MOCS1: variants seen among roughly 807,000 people sequenced by gnomAD.
MOCS1 encodes molybdenum cofactor biosynthesis protein 1.
A neutral mutation model predicts 57.6 loss-of-function variants in MOCS1; 39 were observed. The observed-to-expected ratio is 0.68, with a 90% CI of 0.52 to 0.88. The LOEUF (loss-of-function observed/expected upper bound fraction) is 0.88, where lower values mean the gene tolerates loss of function less well. Ranked by LOEUF, MOCS1 falls within the 40% of genes least tolerant of loss-of-function variation. MOCS1 has a pLI of 0.00. For missense variants in MOCS1, 795 were observed against 831.1 expected, an observed-to-expected ratio of 0.96 and a Z score of 0.53; for synonymous variants, 334 against 335.7, an observed-to-expected ratio of 1.00 and a Z score of 0.05.
intron 3 of MOCS1, among the ~76,000 whole-genome samples, chr6:39,922,196 A>G (rs1562097049): frequency 6.6e-6 from 1 of 152,180 alleles, no homozygotes; most frequent in Non-Finnish European, 1.5e-5. Flanking sequence ...TAAAATACAA[A>G]TTCAGTTTCT....
intron 2 of MOCS1, among the ~76,000 whole-genome samples, chr6:39,926,985 A>C (rs1768352554): frequency 6.6e-6 from 1 of 151,316 alleles, no homozygotes; most frequent in Admixed American, 6.6e-5. Context: ...AATGTCCACC[A>C]CCCCACCCCT....
At position 39,909,839 on chromosome 6, in the gene MOCS1, A is replaced by C. The variant is rs372068922; in HGVS notation, c.1098T>G (p.His366Gln). 1.3e-4 allele frequency: 210 copies of C among 1,613,100 alleles called. No homozygotes were observed. Among genetic ancestry groups the C allele is most frequent in the Non-Finnish European group, 1.6e-4 (194 of 1,180,000 alleles). Reference sequence around the variant, plus strand: ...CCCTCCCCACCCTGCACTTACCTGCATGCTGCCGCTTCTTCCTGCCCACAG... The same window carrying C: ...CCCTCCCCACCCTGCACTTACCTGCCTGCTGCCGCTTCTTCCTGCCCACAG... The part of the protein sequence containing the change: ...GAAVGRKKRQ[H>Q]AGMFSISQMK... The change falls in exon 9 of 11, where the codon CAT (histidine) becomes CAG (glutamine). Residue 366 changes from histidine (H) to glutamine (Q), a missense_variant. His to Gln is a conservative substitution (Grantham distance 24). Around this residue, in one of 3 missense-constraint regions of MOCS1, gnomAD observed 374 missense variants for 422.6 expected, o/e 0.89. Coordinates refer to ENST00000340692, the MANE Select transcript of MOCS1 (RefSeq NM_001358530.2).
chr6:39,912,809 G>A (rs568547835), intron 7 of MOCS1, 83 bp downstream of exon 7: 4 of 1,062,084 alleles, frequency 3.8e-6, no homozygotes, highest in South Asian at 3.7e-5. Flanking sequence ...CCCCACCACA[G>A]TGCAGCTCCC....
At chr6:39,924,897 G>C (rs1281408110) in intron 3 of MOCS1, among the ~76,000 whole-genome samples, 1 of 152,136 alleles carries the variant, frequency 6.6e-6, no homozygotes, top group African/African-American at 2.4e-5. Context: ...TAGCCAACAT[G>C]GTGAAACCCC....
rs1222891083 is a variant in MOCS1 at position 39,904,312 on chromosome 6, C to T, written c.*2045G>A. 2.2e-6 allele frequency: 1 copy of T among 456,746 alleles called. No individual in the cohort carries two copies. 28.3% of individuals were successfully genotyped at this position (456,746 alleles called of 1,614,324 possible). ...TATTTTCTACATCTGGCCAGTGGCT[C>T]TGGTGCTAGATGCCACTGTAGCCAG... On this transcript the variant is annotated 3_prime_UTR_variant, in exon 11 of 11. Coordinates refer to ENST00000340692, the MANE Select transcript of MOCS1 (RefSeq NM_001358530.2).
intron 1 of MOCS1, chr6:39,932,353 T>C (rs1293501062): frequency 6.6e-6 from 1 of 152,250 alleles, no homozygotes; most frequent in African/African-American, 2.4e-5. Flanking sequence ...CCCCATCTTA[T>C]GATGGGCTGG....
At chr6:39,916,427 T>C (rs1025704791) in intron 3 of MOCS1, among the ~76,000 whole-genome samples, 195 bp from the exon 4 acceptor site, 2 of 152,234 alleles carry the variant, frequency 1.3e-5, no homozygotes, top group Non-Finnish European at 2.9e-5. Flanking sequence ...AGATTAAGCA[T>C]TGAGTGCTCT....
chr6:39,913,766 G>A lies in MOCS1; in HGVS notation c.645+8C>T, dbSNP rs751210674. Reference sequence around the variant, plus strand: ...AGTCGGGAATCTACGGCAGGGGCACGGCCTCACCTTCACAGGGTTGTAGCC... The same window carrying A: ...AGTCGGGAATCTACGGCAGGGGCACAGCCTCACCTTCACAGGGTTGTAGCC... On this transcript the variant is annotated splice_region_variant and intron_variant, in intron 5 of 10. Transcript: ENST00000340692. 21 of 1,613,918 alleles carry A rather than the reference G, an allele frequency of 1.3e-5. No individual in the cohort carries two copies. In the South Asian group the frequency reaches 1.4e-4, roughly 11 times the overall value.
rs117340079 is a variant in MOCS1 at position 39,918,376 on chromosome 6, G to A, written c.419-2144C>T. On this transcript the variant is annotated intron_variant, in intron 3 of 10. Transcript: ENST00000340692. ...GTTTAAGGTAGGGGTGCATGGGAAT[G>A]CACACAATCATGGTGTAAGAATAAA... 3.3e-3 allele frequency among the ~76,000 whole-genome samples: 502 copies of A among 152,348 alleles called. 1 individual carries two copies. The highest frequency in any genetic ancestry group is 0.011 in the East Asian group (57 of 5,188).
rs577481650 is a variant in MOCS1, at chr6:39,924,966, G to A, written c.418+712C>T. On this transcript the variant is annotated intron_variant, in intron 3 of 10. Transcript: ENST00000340692. ...ATAGCGGTGTGTGCCTGTAAGCCCA[G>A]CTACTCTGGAGGCTGAGGAAGGAGA... Among the ~76,000 whole-genome samples, 5 of 152,262 alleles carry A rather than the reference G, an allele frequency of 3.3e-5. 1 individual carries two copies. In the South Asian group the frequency reaches 1.0e-3, roughly 32 times the overall value.
rs764723515 is a variant in MOCS1, at chr6:39,913,763, C to T, written c.645+11G>A. Reference sequence around the variant, plus strand: ...GGAAGTCGGGAATCTACGGCAGGGGCACGGCCTCACCTTCACAGGGTTGTA... The same window carrying T: ...GGAAGTCGGGAATCTACGGCAGGGGTACGGCCTCACCTTCACAGGGTTGTA... On this transcript the variant is annotated intron_variant, in intron 5 of 10. Transcript: ENST00000340692. The T allele has an allele frequency of 1.4e-5, 22 of 1,613,758 alleles. No individual in the cohort carries two copies. Among genetic ancestry groups the T allele is most frequent in the Non-Finnish European group, 1.9e-5 (22 of 1,179,948 alleles).
At position 39,927,411 on chromosome 6, in the gene MOCS1, G is replaced by T; in HGVS notation, c.168C>A (p.Pro56=). The T allele has an allele frequency of 6.2e-7, 1 of 1,612,762 alleles. No individual in the cohort carries two copies. Among genetic ancestry groups the T allele is most frequent in the Non-Finnish European group, 8.5e-7 (1 of 1,179,870 alleles). The change falls in exon 2 of 11, where the codon CCC becomes CCA. Residue 56 remains proline, a synonymous_variant. Transcript: ENST00000340692. ...RRQFLREHAA[P]FSAFLTDSFG... The stretch of plus-strand genomic sequence containing the variant: ...AGCTGTCTGTGAGGAAGGCGGAGAA[G>T]GGGGCCGCATGCTCCCGCAGGAACT...
At position 39,934,444 on chromosome 6, in the gene MOCS1, C is replaced by T. The variant is rs73416811; in HGVS notation, c.-27G>A. ...AAGCCTGATACGAGCGGAACCGCAG[C>T]CCGCTTCGGGAGCACACTGGCCGGG... On this transcript the variant is annotated 5_prime_UTR_variant, in exon 1 of 11. Transcript: ENST00000340692. The T allele has an allele frequency of 1.3e-6, 2 of 1,560,386 alleles. No individual in the cohort carries two copies. The highest frequency in any genetic ancestry group is 1.2e-5 in the South Asian group (1 of 85,816).
chr6:39,904,483 T>C lies in MOCS1; in HGVS notation c.*1874A>G, dbSNP rs1766685445. 1 of 454,366 alleles carries C rather than the reference T, an allele frequency of 2.2e-6. No individual in the cohort carries two copies. Among genetic ancestry groups the C allele is most frequent in the African/African-American group, 2.0e-5 (1 of 49,986 alleles). 28.1% of individuals were successfully genotyped at this position (454,366 alleles called of 1,614,324 possible). A position where few individuals can be genotyped will look rare whatever the true frequency, so the allele number is the denominator to read the frequency against. The stretch of plus-strand genomic sequence containing the variant: ...CCCTCCCCACTGCTCCTGCCACCTT[T>C]AGATAAGTTTCTCTAGCTAATTTTG... On this transcript the variant is annotated 3_prime_UTR_variant, in exon 11 of 11. Coordinates refer to ENST00000340692, the MANE Select transcript of MOCS1 (RefSeq NM_001358530.2).
At chr6:39,934,132 G>A (rs1024449615) in intron 1 of MOCS1, among the ~76,000 whole-genome samples, 163 bp downstream of exon 1, 5 of 152,114 alleles carry the variant, frequency 3.3e-5, no homozygotes, top group Non-Finnish European at 7.4e-5. Context: ...TAGCGGGTGA[G>A]ACCGGGCGGT....
chr6:39,916,814 G>A (rs1767684460), intron 3 of MOCS1, among the ~76,000 whole-genome samples: 1 of 152,214 alleles, frequency 6.6e-6, no homozygotes, highest in African/African-American at 2.4e-5. Flanking sequence ...TACTGAAAGA[G>A]AGAAAGCAGA....
chr6:39,912,931 C>A lies in MOCS1; in HGVS notation c.831G>T (p.Glu277Asp), dbSNP rs1767422040. ...ATTCCTCCTCTGGCACCTTCTCCAG[C>A]TCTGGCCACTGCTGCCGGACAGTGT... Reference protein sequence around the residue: ...MLDTVRQQWPELEKVPEEESS... With the variant: ...MLDTVRQQWPDLEKVPEEESS... Residue 277 changes from glutamate (E) to aspartate (D), a missense_variant, in exon 7 of 11, where the codon GAG becomes GAT. Around this residue, in one of 3 missense-constraint regions of MOCS1, gnomAD observed 416 missense variants for 392.4 expected, o/e 1.06. Coordinates refer to ENST00000340692, the MANE Select transcript of MOCS1 (RefSeq NM_001358530.2). 6.2e-7 allele frequency: 1 copy of A among 1,614,088 alleles called. No individual in the cohort carries two copies. The highest frequency in any genetic ancestry group is 1.3e-5 in the African/African-American group (1 of 74,928).
In MOCS1 at chr6:39,916,179, T is replaced by C. The variant is rs1358980834; in HGVS notation, c.472A>G (p.Ile158Val). 6.2e-7 allele frequency: 1 copy of C among 1,613,974 alleles called. No individual in the cohort carries two copies. The highest frequency in any genetic ancestry group is 8.5e-7 in the Non-Finnish European group (1 of 1,179,988). ...LRTIGVTTNGINLARLLPQLQ... is the reference protein window; with the variant it reads ...LRTIGVTTNGVNLARLLPQLQ... ...TGGGGCAGTAGCCGGGCCAGGTTGA[T>C]GCCATTGGTGGTAACACCTATGGTT... Residue 158 changes from isoleucine to valine, a missense_variant, in exon 4 of 11, where the codon ATC becomes GTC. Ile to Val is a conservative substitution (Grantham distance 29). This residue lies in a region of MOCS1 where 416 missense variants were observed against 392.4 expected (regional missense o/e 1.06). Coordinates refer to ENST00000340692, the MANE Select transcript of MOCS1 (RefSeq NM_001358530.2).
chr6:39,909,845 C>T lies in MOCS1; in HGVS notation c.1092G>A (p.Arg364=). The stretch of plus-strand genomic sequence containing the variant: ...CCACCCTGCACTTACCTGCATGCTG[C>T]CGCTTCTTCCTGCCCACAGCAGCCC... ...IIGAAVGRKK[R]QHAGMFSISQ... is the part of the protein sequence containing the mutation. The change falls in exon 9 of 11, where the codon CGG becomes CGA. Residue 364 remains arginine, a synonymous_variant. Transcript: ENST00000340692. 2 of 1,613,298 alleles carry T rather than the reference C, an allele frequency of 1.2e-6. No individual in the cohort carries two copies. Among genetic ancestry groups the T allele is most frequent in the Non-Finnish European group, 1.7e-6 (2 of 1,179,994 alleles).
Sources: gnomAD v4.1 joint callset for allele counts (sites outside exome capture counted in the v4.1 genomes callset) on GRCh38, gnomAD v4.1.1 for gene constraint, gnomAD v4.1.1 regional missense constraint, MANE v1.5 for transcripts, NCBI Gene and HGNC (gene_info 2026-07-23, HGNC 2026-07-21) for gene names.